Variants in TGFBR2 observed in about 807,000 individuals in gnomAD.
TGFBR2 encodes TGF-beta receptor type-2.
Under a neutral mutation model 49.0 loss-of-function variants are expected in TGFBR2, and 18 were observed. The ratio of observed to expected loss-of-function variants is 0.37; its 90% confidence interval spans 0.25 to 0.54. TGFBR2 has a LOEUF of 0.54. TGFBR2 is among the 20% of genes least tolerant of loss of function. The pLI is 0.85. For missense variants in TGFBR2, 525 were observed against 722.6 expected, an observed-to-expected ratio of 0.73 and a Z score of 3.13; for synonymous variants, 282 against 275.9, an observed-to-expected ratio of 1.02 and a Z score of -0.22.
chr3:30,673,833 A>G (rs554758144), intron 4 of TGFBR2, among the ~76,000 whole-genome samples: 4 of 152,202 alleles, frequency 2.6e-5, no homozygotes, highest in African/African-American at 7.2e-5. Flanking sequence ...GACATAAGTC[A>G]TGGGGTTAGA....
intron 3 of TGFBR2, among the ~76,000 whole-genome samples, chr3:30,662,488 T>C (rs186968683): frequency 8.5e-5 from 13 of 152,316 alleles, no homozygotes; most frequent in African/African-American, 3.1e-4. Flanking sequence ...AACAACCACA[T>C]TGATTGGAGA....
chr3:30,654,340 A>C (rs1413230261), intron 3 of TGFBR2, among the ~76,000 whole-genome samples: 2 of 152,198 alleles, frequency 1.3e-5, no homozygotes, highest in Non-Finnish European at 2.9e-5. Context: ...GAAAGAGTTA[A>C]AGAAACCTTG....
intron 3 of TGFBR2, among the ~76,000 whole-genome samples, chr3:30,659,127 C>T (rs1699062294): frequency 6.6e-6 from 1 of 152,168 alleles, no homozygotes; most frequent in Non-Finnish European, 1.5e-5. Context: ...GGTATGCTGC[C>T]TTGGAACTGT....
intron 1 of TGFBR2, among the ~76,000 whole-genome samples, chr3:30,610,413 G>A (rs540047114): frequency 6.6e-6 from 1 of 152,062 alleles, no homozygotes; most frequent in East Asian, 1.9e-4. Context: ...GAATCAATTT[G>A]TTGTCTCTTT....
chr3:30,606,973 G>A lies in TGFBR2; in HGVS notation c.90G>A (p.Lys30=). The A allele has an allele frequency of 1.3e-6, 2 of 1,595,884 alleles. No homozygotes were observed. Among genetic ancestry groups the A allele is most frequent in the African/African-American group, 2.7e-5 (2 of 74,668 alleles). Residue 30 remains lysine, a synonymous_variant, in exon 1 of 7, where the codon AAG becomes AAA. Coordinates refer to ENST00000295754, the MANE Select transcript of TGFBR2 (RefSeq NM_003242.6). ...IASTIPPHVQ[K]SVNNDMIVTD... is the part of the protein sequence containing the mutation. The stretch of plus-strand genomic sequence containing the variant: ...GCACGATCCCACCGCACGTTCAGAA[G>A]TCGGGTGAGTGGTCCCCAGCCCGGG...
chr3:30,690,993 T>A (rs1209062214), intron 6 of TGFBR2, among the ~76,000 whole-genome samples: 1 of 152,166 alleles, frequency 6.6e-6, no homozygotes, highest in Non-Finnish European at 1.5e-5. Flanking sequence ...GGGAAGGGGT[T>A]TTGTGAAAAC....
chr3:30,667,369 A>G (rs1451056008), intron 3 of TGFBR2, among the ~76,000 whole-genome samples: 1 of 152,184 alleles, frequency 6.6e-6, no homozygotes, highest in African/African-American at 2.4e-5. Context: ...ATACTGCCAG[A>G]GGGTGTGGGT....
In TGFBR2 at chr3:30,606,782, C is replaced by A; in HGVS notation, c.-102C>A. ...GCACATCTGCGCTGCCGGCCCGGCG[C>A]GGGGTCCGGAGAGGGCGCGGCGCGG... is the stretch of plus-strand genomic sequence containing the variant. On this transcript the variant is annotated 5_prime_UTR_variant, in exon 1 of 7. Coordinates refer to ENST00000295754, the MANE Select transcript of TGFBR2 (RefSeq NM_003242.6). The A allele has an allele frequency of 1.2e-6, 1 of 851,936 alleles. No individual in the cohort carries two copies. The highest frequency in any genetic ancestry group is 1.6e-6 in the Non-Finnish European group (1 of 625,712). The allele number at this position is 851,936 out of a possible 1,614,324, so 52.8% of individuals were successfully genotyped here.
At chr3:30,653,997 A>G (rs557969341) in intron 3 of TGFBR2, among the ~76,000 whole-genome samples, 8 of 152,280 alleles carry the variant, frequency 5.3e-5, no homozygotes, top group African/African-American at 1.7e-4. Context: ...AGGATTTATA[A>G]TGGGATATGT....
chr3:30,646,815 A>G (rs1165764766), intron 2 of TGFBR2, among the ~76,000 whole-genome samples: 1 of 152,150 alleles, frequency 6.6e-6, no homozygotes, highest in Non-Finnish European at 1.5e-5. Flanking sequence ...TCTTTTAATT[A>G]AGATTTTTGT....
chr3:30,677,046 A>T (rs1699452089), intron 5 of TGFBR2, among the ~76,000 whole-genome samples: 1 of 152,204 alleles, frequency 6.6e-6, no homozygotes, highest in Non-Finnish European at 1.5e-5. Context: ...TTTCAGTATC[A>T]TTCCCTATCC....
chr3:30,650,488 G>C (rs780996367), intron 3 of TGFBR2, 28 bp downstream of exon 3: 10 of 1,612,842 alleles, frequency 6.2e-6, no homozygotes, highest in Non-Finnish European at 8.5e-6. Flanking sequence ...AAGGGTGTGG[G>C]ACCTGAGATC....
Position 30,613,398 on chromosome 3 carries a change from A to G in TGFBR2, c.94+6421A>G, listed in dbSNP as rs142753978. ...CACATTCGCTGTCCAGAAGGCCCTG[A>G]ACTGGTATCTGCAGTTTGCATGGAT... is the stretch of plus-strand genomic sequence containing the variant. On this transcript the variant is annotated intron_variant, in intron 1 of 6. Transcript: ENST00000295754. Among the ~76,000 whole-genome samples the G allele has an allele frequency of 2.6e-5, 4 of 152,224 alleles. No individual in the cohort carries two copies. The East Asian group carries it at 5.8e-4, about 22-fold the overall frequency.
At position 30,606,796 on chromosome 3, in the gene TGFBR2, G is replaced by A. The variant is rs779028003; in HGVS notation, c.-88G>A. ...CCGGCCCGGCGCGGGGTCCGGAGAG[G>A]GCGCGGCGCGGAGGCGCAGCCAGGG... On this transcript the variant is annotated 5_prime_UTR_variant, in exon 1 of 7. Transcript: ENST00000295754. 1.0e-5 allele frequency: 10 copies of A among 1,004,456 alleles called. No individual in the cohort carries two copies. Among genetic ancestry groups the A allele is most frequent in the Middle Eastern group, 3.3e-4 (1 of 3,026 alleles). 62.2% of individuals were successfully genotyped at this position (1,004,456 alleles called of 1,614,324 possible).
intron 1 of TGFBR2, among the ~76,000 whole-genome samples, chr3:30,637,239 G>A (rs1242286645): frequency 6.6e-6 from 1 of 152,068 alleles, no homozygotes. Context: ...ACCACAAAAT[G>A]GGAGAAACCA....
chr3:30,670,240 A>G (rs1699314950), intron 3 of TGFBR2, among the ~76,000 whole-genome samples: 1 of 152,178 alleles, frequency 6.6e-6, no homozygotes, highest in African/African-American at 2.4e-5. Context: ...GTTTTTTGCT[A>G]CTGTGCCTTC....
chr3:30,607,552 C>G (rs1230630062), intron 1 of TGFBR2, among the ~76,000 whole-genome samples: 1 of 152,060 alleles, frequency 6.6e-6, no homozygotes, highest in African/African-American at 2.4e-5. Flanking sequence ...TTAGCTGGCT[C>G]CACTGACGCC....
chr3:30,674,540 A>T (rs983291397), intron 5 of TGFBR2, among the ~76,000 whole-genome samples: 1 of 152,238 alleles, frequency 6.6e-6, no homozygotes, highest in African/African-American at 2.4e-5. Flanking sequence ...AGAGACGAAT[A>T]CTAATAAATG....
chr3:30,648,463 A>C (rs1049481491), intron 2 of TGFBR2, among the ~76,000 whole-genome samples: 1 of 72,010 alleles, frequency 1.4e-5, no homozygotes, highest in Non-Finnish European at 3.1e-5. Flanking sequence ...CACACACACA[A>C]AACTGTGGGG....
Sources: allele counts gnomAD v4.1 joint callset (sites outside exome capture counted in the v4.1 genomes callset), GRCh38; gene constraint gnomAD v4.1.1; transcripts MANE v1.5; gene names NCBI Gene and HGNC (gene_info 2026-07-23, HGNC 2026-07-21).